Variants in EZH1 observed in about 807,000 individuals in gnomAD.
EZH1 encodes enhancer of zeste 1 polycomb repressive complex 2 subunit.
EZH1 carries 33 observed loss-of-function variants against 100.5 expected under a neutral mutation model. The observed-to-expected ratio is 0.33, with a 90% CI of 0.25 to 0.44. The LOEUF (loss-of-function observed/expected upper bound fraction) is 0.44. Ranked by LOEUF, EZH1 falls within the 20% of genes least tolerant of loss-of-function variation. The pLI is 1.00. For missense variants in EZH1, 475 were observed against 928.4 expected, an observed-to-expected ratio of 0.51 and a Z score of 6.35; for synonymous variants, 272 against 313.8, an observed-to-expected ratio of 0.87 and a Z score of 1.41.
intron 5 of EZH1, 34 bp from the exon 6 acceptor site, chr17:42,722,949 A>G (rs771781852): frequency 1.2e-6 from 2 of 1,604,072 alleles, no homozygotes; most frequent in Non-Finnish European, 1.7e-6. Context: ...TATTCCATGA[A>G]GCCATCATGC....
chr17:42,724,896 T>C (rs1402502826), intron 4 of EZH1, among the ~76,000 whole-genome samples: 2 of 152,116 alleles, frequency 1.3e-5, no homozygotes, highest in Non-Finnish European at 2.9e-5. Context: ...TGACCAGGCA[T>C]GGTGGCTCAC....
At chr17:42,722,228 A>G (rs994476709) in intron 6 of EZH1, among the ~76,000 whole-genome samples, 2 of 151,584 alleles carry the variant, frequency 1.3e-5, no homozygotes, top group Non-Finnish European at 2.9e-5. Flanking sequence ...AAAGCAGGAA[A>G]ATCACTTAAG....
intron 3 of EZH1, among the ~76,000 whole-genome samples, chr17:42,728,158 G>A (rs930557298): frequency 7.1e-6 from 1 of 141,614 alleles, no homozygotes; most frequent in Non-Finnish European, 1.5e-5. Context: ...CTGTCACCCA[G>A]GCTGGAGTGC....
rs541147663 is a variant in EZH1, at chr17:42,702,346, T to C, written c.*186A>G. 8.9e-5 allele frequency: 44 copies of C among 492,182 alleles called. No individual in the cohort carries two copies. Among genetic ancestry groups the C allele is most frequent in the Middle Eastern group, 1.1e-3 (2 of 1,808 alleles). The allele number at this position is 492,182 out of a possible 1,614,324, so 30.5% of individuals were successfully genotyped here. A position where few individuals can be genotyped will look rare whatever the true frequency, so the allele number is the denominator to read the frequency against. ...TGGGAGACCAAGCCCTAGCTGCCTC[T>C]GTCTCCCCTCTCATTGAGACAGTTT... On this transcript the variant is annotated 3_prime_UTR_variant, in exon 21 of 21. Coordinates refer to ENST00000428826, the MANE Select transcript of EZH1 (RefSeq NM_001991.5).
At position 42,702,518 on chromosome 17, in the gene EZH1, G is replaced by A. The variant is rs200701491; in HGVS notation, c.*14C>T. ...GTGCCGCTACCATAAGTGCTGCCGTGGGGCCTGGGAGGGCTAAAGGACGTC... is the reference window on the plus strand; with the variant it reads ...GTGCCGCTACCATAAGTGCTGCCGTAGGGCCTGGGAGGGCTAAAGGACGTC... On this transcript the variant is annotated 3_prime_UTR_variant, in exon 21 of 21. Transcript: ENST00000428826. The A allele has an allele frequency of 6.7e-6, 10 of 1,501,472 alleles. No individual in the cohort carries two copies. The highest frequency in any genetic ancestry group is 2.4e-5 in the East Asian group (1 of 41,146). 93.0% of individuals were successfully genotyped at this position (1,501,472 alleles called of 1,614,324 possible).
At chr17:42,724,160 A>T (rs924799443) in intron 5 of EZH1, 145 bp downstream of exon 5, 1 of 840,894 alleles carries the variant, frequency 1.2e-6, no homozygotes, top group African/African-American at 1.7e-5. Flanking sequence ...TATTGTTTAG[A>T]GTAAGTAAAT....
At chr17:42,703,591 T>C (rs1012368754) in intron 19 of EZH1, 149 bp downstream of exon 19, 21 of 632,676 alleles carry the variant, frequency 3.3e-5, no homozygotes, top group Non-Finnish European at 6.0e-5. Context: ...AAACTAAGAT[T>C]GAGAGGGGCC....
Position 42,731,039 on chromosome 17 carries a change from G to T in EZH1, c.-102-121C>A, listed in dbSNP as rs527439346. 39 of 220,316 alleles carry T rather than the reference G, an allele frequency of 1.8e-4. 1 individual carries two copies. Among genetic ancestry groups the T allele is most frequent in the African/African-American group, 8.4e-4 (36 of 42,760 alleles). The allele number at this position is 220,316 out of a possible 1,614,324, so 13.6% of individuals were successfully genotyped here. A position where few individuals can be genotyped will look rare whatever the true frequency, so the allele number is the denominator to read the frequency against. Reference sequence around the variant, plus strand: ...CTTCAAGGTTTCTCCTACTATTTTTGTATGTCTAAGACAGGTCCCTATAAT... The same window carrying T: ...CTTCAAGGTTTCTCCTACTATTTTTTTATGTCTAAGACAGGTCCCTATAAT... On this transcript the variant is annotated intron_variant, in intron 1 of 20. Coordinates refer to ENST00000428826, the MANE Select transcript of EZH1 (RefSeq NM_001991.5).
chr17:42,722,522 G>A (rs944513609), intron 6 of EZH1, among the ~76,000 whole-genome samples: 5 of 151,384 alleles, frequency 3.3e-5, no homozygotes, highest in Non-Finnish European at 7.4e-5. Context: ...CTACTTGGGA[G>A]GCTGAGGCAG....
chr17:42,711,415 G>A (rs2053479316), intron 12 of EZH1, among the ~76,000 whole-genome samples: 1 of 152,184 alleles, frequency 6.6e-6, no homozygotes, highest in South Asian at 2.1e-4. Flanking sequence ...GGAGGCTGCA[G>A]TGAGCTGAGA....
Position 42,730,845 on chromosome 17 carries a change from G to T in EZH1, c.-29C>A. On this transcript the variant is annotated 5_prime_UTR_variant, in exon 2 of 21. Coordinates refer to ENST00000428826, the MANE Select transcript of EZH1 (RefSeq NM_001991.5). ...TTACCTACCTTATAGAATGCAAGGG[G>T]AAGTGTTGGGTTTTACAGTGTGCCT... 1 of 985,406 alleles carries T rather than the reference G, an allele frequency of 1.0e-6. No homozygotes were observed. The allele number at this position is 985,406 out of a possible 1,614,324, so 61.0% of individuals were successfully genotyped here. A position where few individuals can be genotyped will look rare whatever the true frequency, so the allele number is the denominator to read the frequency against.
At chr17:42,727,893 C>G in intron 3 of EZH1, 130 bp from the exon 4 acceptor site, 1 of 585,104 alleles carries the variant, frequency 1.7e-6, no homozygotes, top group Non-Finnish European at 2.3e-6. Flanking sequence ...CTCAGCTCAC[C>G]ACAACCTCCG....
chr17:42,729,062 C>T (rs1245545600), intron 2 of EZH1, 110 bp from the exon 3 acceptor site: 2 of 1,165,194 alleles, frequency 1.7e-6, no homozygotes, highest in African/African-American at 1.6e-5. Context: ...ATTAAATTTA[C>T]TCATAAAAAC....
At position 42,733,032 on chromosome 17, in the gene EZH1, C is replaced by CAAAA. The variant is rs35232752; in HGVS notation, c.-102-2118_-102-2115dup. ...GCAACAAAGTGAGACACCATCTCTA[C>CAAAA]AAAAAAAAAAAAAAAAAAGAAAAAG... On this transcript the variant is annotated intron_variant, in intron 1 of 20. Coordinates refer to ENST00000428826, the MANE Select transcript of EZH1 (RefSeq NM_001991.5). Among the ~76,000 whole-genome samples, 2 of 103,228 alleles carry CAAAA rather than the reference C, an allele frequency of 1.9e-5. 1 individual carries two copies. The highest frequency in any genetic ancestry group is 2.1e-4 in the Admixed American group (2 of 9,556). 67.7% of individuals were successfully genotyped at this position (103,228 alleles called of 152,430 possible). A position where few individuals can be genotyped will look rare whatever the true frequency, so the allele number is the denominator to read the frequency against.
intron 12 of EZH1, among the ~76,000 whole-genome samples, chr17:42,711,167 C>G (rs1006680788): frequency 1.3e-5 from 2 of 151,898 alleles, no homozygotes; most frequent in African/African-American, 4.8e-5. Flanking sequence ...GAAACCCCAT[C>G]TCTACTAAAA....
intron 1 of EZH1, among the ~76,000 whole-genome samples, chr17:42,738,394 C>A (rs2054108795): frequency 6.6e-6 from 1 of 151,930 alleles, no homozygotes; most frequent in Non-Finnish European, 1.5e-5. Context: ...CCTTTGGAGG[C>A]AGATGGCACT....
At chr17:42,739,302 G>C (rs757402709) in intron 1 of EZH1, among the ~76,000 whole-genome samples, 2 of 152,114 alleles carry the variant, frequency 1.3e-5, no homozygotes, top group African/African-American at 2.4e-5. Context: ...ACTTCTCTGA[G>C]GTATTTTCAT....
At chr17:42,723,744 G>A (rs1428804282) in intron 5 of EZH1, among the ~76,000 whole-genome samples, 5 of 152,050 alleles carry the variant, frequency 3.3e-5, no homozygotes, top group South Asian at 2.1e-4. Flanking sequence ...TATAAACCTC[G>A]ACCTCATTCC....
At chr17:42,744,951 G>T (rs770511190) in intron 1 of EZH1, 60 bp downstream of exon 1, 2 of 1,252,930 alleles carry the variant, frequency 1.6e-6, no homozygotes, top group Non-Finnish European at 1.0e-6. Context: ...CTCAGGCCCA[G>T]GGCGGCGAGG....
Sources: gnomAD v4.1 joint callset for allele counts (sites outside exome capture counted in the v4.1 genomes callset) on GRCh38, gnomAD v4.1.1 for gene constraint, MANE v1.5 for transcripts, NCBI Gene and HGNC (gene_info 2026-07-23, HGNC 2026-07-21) for gene names.